BLNK: variants seen among roughly 807,000 people sequenced by gnomAD.
BLNK encodes the protein B-cell linker protein.
In BLNK, 29 loss-of-function variants were observed where a neutral mutation model predicts 73.5. The observed-to-expected ratio is 0.39, with a 90% CI of 0.29 to 0.54. BLNK has a LOEUF of 0.54. BLNK is among the 20% of genes least tolerant of loss of function. The pLI, the probability that BLNK is intolerant of heterozygous loss-of-function variation, is 0.61. For synonymous variants in BLNK, 176 were observed against 200.8 expected (o/e 0.88, Z 1.04); for missense variants, 460 against 562.8 (o/e 0.82, Z 1.85).
At chr10:96,268,072 C>G (rs1490535584) in intron 1 of BLNK, among the ~76,000 whole-genome samples, 2 of 152,136 alleles carry the variant, frequency 1.3e-5, no homozygotes, top group Admixed American at 6.5e-5. Flanking sequence ...AAATGCCATA[C>G]TCTTTAATCA....
chr10:96,196,910 C>T lies in BLNK; in HGVS notation c.1249G>A (p.Glu417Lys). The T allele has an allele frequency of 6.2e-7, 1 of 1,613,150 alleles. No homozygotes were observed. Among genetic ancestry groups the T allele is most frequent in the Non-Finnish European group, 8.5e-7 (1 of 1,179,574 alleles). The change falls in exon 16 of 17, where the codon GAG (glutamate) becomes AAG (lysine). Residue 417 changes from glutamate to lysine, a missense_variant and splice_region_variant. Coordinates refer to ENST00000224337, the MANE Select transcript of BLNK (RefSeq NM_013314.4). ...GAATTTAAAAAGAAATCACTGACCTCTTCACCATTTTTCTTTCTGCCCAAG... is the reference window on the plus strand; with the variant it reads ...GAATTTAAAAAGAAATCACTGACCTTTTCACCATTTTTCTTTCTGCCCAAG... Reference protein sequence around the residue: ...YALGRKKNGEEYFGSVAEIIR... With the variant: ...YALGRKKNGEKYFGSVAEIIR...
At chr10:96,261,398 T>C (rs919185364) in intron 1 of BLNK, among the ~76,000 whole-genome samples, 1 of 152,206 alleles carries the variant, frequency 6.6e-6, no homozygotes, top group Non-Finnish European at 1.5e-5. Context: ...CCCAGACCCA[T>C]GAAGCAGTCA....
chr10:96,248,068 C>T (rs782812360), intron 1 of BLNK, among the ~76,000 whole-genome samples: 8 of 152,126 alleles, frequency 5.3e-5, no homozygotes, highest in South Asian at 2.1e-4. Context: ...CAAGACCCTC[C>T]ACTGGTAACA....
intron 1 of BLNK, among the ~76,000 whole-genome samples, chr10:96,247,420 T>A (rs1398175745): frequency 6.6e-6 from 1 of 152,230 alleles, no homozygotes; most frequent in Non-Finnish European, 1.5e-5. Context: ...TCTTTTTTAT[T>A]AAATGGTAGT....
At chr10:96,238,840 A>C in intron 3 of BLNK, 9 of 291,598 alleles carry the variant, frequency 3.1e-5, no homozygotes, top group Middle Eastern at 9.1e-4. Context: ...GATTGAGGGA[A>C]TAAAATCTAC....
chr10:96,269,354 C>G (rs1248969163), intron 1 of BLNK, among the ~76,000 whole-genome samples: 2 of 150,860 alleles, frequency 1.3e-5, no homozygotes, highest in African/African-American at 5.0e-5. Context: ...TACTTAAATT[C>G]CCACCTGGAT....
At chr10:96,223,538 T>A (rs2084250133) in intron 6 of BLNK, among the ~76,000 whole-genome samples, 1 of 151,940 alleles carries the variant, frequency 6.6e-6, no homozygotes, top group African/African-American at 2.4e-5. Flanking sequence ...AAGAACATCT[T>A]AGGAAGGAAA....
At chr10:96,204,337 C>A in intron 12 of BLNK, 195 bp downstream of exon 12, 1 of 715,766 alleles carries the variant, frequency 1.4e-6, no homozygotes, top group Non-Finnish European at 2.4e-6. Flanking sequence ...ATAATTAACC[C>A]AATTAGTAGG....
At chr10:96,195,304 T>G (rs2083438046) in intron 16 of BLNK, among the ~76,000 whole-genome samples, 10 of 152,202 alleles carry the variant, frequency 6.6e-5, no homozygotes, top group Admixed American at 6.5e-4. Context: ...GCAATCCCAC[T>G]TCTGGGTATA....
intron 6 of BLNK, among the ~76,000 whole-genome samples, chr10:96,221,256 T>G (rs1257618069): frequency 1.3e-5 from 2 of 152,222 alleles, no homozygotes; most frequent in Non-Finnish European, 2.9e-5. Flanking sequence ...TCTCCAAGTG[T>G]TAGCCTCTCT....
intron 8 of BLNK, among the ~76,000 whole-genome samples, chr10:96,213,785 G>C (rs2084000826): frequency 6.6e-6 from 1 of 152,180 alleles, no homozygotes; most frequent in Non-Finnish European, 1.5e-5. Context: ...CTCATCCTGA[G>C]TTATCGGGAG....
chr10:96,267,814 T>G (rs1554914619), intron 1 of BLNK, among the ~76,000 whole-genome samples: 1 of 152,210 alleles, frequency 6.6e-6, no homozygotes. Context: ...AAAGTCCCTG[T>G]TTATTTTCAG....
chr10:96,198,084 C>T (rs1554895162), intron 15 of BLNK, among the ~76,000 whole-genome samples: 1 of 151,624 alleles, frequency 6.6e-6, no homozygotes, highest in African/African-American at 2.4e-5. Context: ...TGATCAAACT[C>T]AGGAAACAAA....
chr10:96,223,752 C>T (rs919889910), intron 6 of BLNK, 74 bp downstream of exon 6: 9 of 1,550,062 alleles, frequency 5.8e-6, no homozygotes, highest in East Asian at 2.2e-5. Flanking sequence ...GGACAGCCAG[C>T]GGGCAGGCTG....
At position 96,250,607 on chromosome 10, in the gene BLNK, A is replaced by G. The variant is rs118186963; in HGVS notation, c.48-3558T>C. On this transcript the variant is annotated intron_variant, in intron 1 of 16. Coordinates refer to ENST00000224337, the MANE Select transcript of BLNK (RefSeq NM_013314.4). Reference sequence around the variant, plus strand: ...AGGTTGAGGAGCAAAATGAGGCAGCAGTGAAGAATCCTATCAGAAATGTGT... The same window carrying G: ...AGGTTGAGGAGCAAAATGAGGCAGCGGTGAAGAATCCTATCAGAAATGTGT... 5.7e-3 allele frequency among the ~76,000 whole-genome samples: 872 copies of G among 152,334 alleles called. 7 individuals are homozygous for G. Among genetic ancestry groups the G allele is most frequent in the Middle Eastern group, 0.024 (7 of 294 alleles).
chr10:96,192,323 TA>T (rs1336996493), intron 16 of BLNK, among the ~76,000 whole-genome samples: 3 of 132,194 alleles, frequency 2.3e-5, no homozygotes, highest in African/African-American at 1.1e-4. Context: ...TTAGCATAGC[TA>T]CTTAGAGAGA....
intron 16 of BLNK, among the ~76,000 whole-genome samples, chr10:96,195,202 G>A (rs1417609997): frequency 6.6e-6 from 1 of 152,180 alleles, no homozygotes; most frequent in Non-Finnish European, 1.5e-5. Context: ...ACCCTCGTGT[G>A]CTGTTGGTGG....
Position 96,209,824 on chromosome 10 carries a change from C to A in BLNK, c.746+14G>T. 6.2e-7 allele frequency: 1 copy of A among 1,614,204 alleles called. No individual in the cohort carries two copies. Among genetic ancestry groups the A allele is most frequent in the Non-Finnish European group, 8.5e-7 (1 of 1,180,028 alleles). ...CCCAGATCTCAAAAGCTGCTTCCTG[C>A]AACAGGTACTTACCCGGCCCGTGGC... On this transcript the variant is annotated intron_variant, in intron 9 of 16. Coordinates refer to ENST00000224337, the MANE Select transcript of BLNK (RefSeq NM_013314.4).
At chr10:96,251,433 A>G (rs1349079038) in intron 1 of BLNK, among the ~76,000 whole-genome samples, 3 of 152,242 alleles carry the variant, frequency 2.0e-5, no homozygotes, top group Admixed American at 6.5e-5. Context: ...TCAAACAGCA[A>G]TCCTTTTACT....
Sources: allele counts gnomAD v4.1 joint callset (sites outside exome capture counted in the v4.1 genomes callset), GRCh38; gene constraint gnomAD v4.1.1; transcripts MANE v1.5; gene names NCBI Gene and HGNC (gene_info 2026-07-23, HGNC 2026-07-21).